The following ADGRL3 variants were observed in gnomAD, a reference collection of about 807,000 sequenced individuals.
ADGRL3 encodes calcium-independent alpha-latrotoxin receptor 3.
ADGRL3 carries 62 observed loss-of-function variants against 153.5 expected under a neutral mutation model. That is an observed-to-expected ratio of 0.40 (90% confidence interval 0.33 to 0.50). The LOEUF is 0.50. Among genes scored for constraint, ADGRL3 ranks in the 20% least tolerant of loss-of-function variants. ADGRL3 has a pLI of 0.47. For missense variants in ADGRL3, 1,641 were observed against 1,859.4 expected (o/e 0.88, Z 2.16); for synonymous variants, 710 against 672.5 (o/e 1.06, Z -0.86).
At chr4:62,033,086 T>G (rs1181107083) in intron 23 of ADGRL3, among the ~76,000 whole-genome samples, 1 of 151,778 alleles carries the variant, frequency 6.6e-6, no homozygotes, top group Non-Finnish European at 1.5e-5. Context: ...TATGTTTTAC[T>G]CATTGCCCAA....
chr4:61,890,573 A>T (rs930891632), intron 9 of ADGRL3, among the ~76,000 whole-genome samples: 1 of 152,174 alleles, frequency 6.6e-6, no homozygotes, highest in African/African-American at 2.4e-5. Flanking sequence ...ACATCCTCTT[A>T]TCAGAAACCC....
At chr4:61,217,239 C>T (rs1319960774) in intron 1 of ADGRL3, among the ~76,000 whole-genome samples, 1 of 152,110 alleles carries the variant, frequency 6.6e-6, no homozygotes, top group African/African-American at 2.4e-5. Flanking sequence ...AAGACAAGTC[C>T]AGGATGCTTG....
intron 2 of ADGRL3, among the ~76,000 whole-genome samples, chr4:61,395,583 TACTC>T (rs1378391198): frequency 7.2e-5 from 11 of 151,962 alleles, no homozygotes; most frequent in African/African-American, 2.4e-4. Context: ...AGTTAAAACA[TACTC>T]ACTATTATAT....
chr4:61,819,215 C>T (rs188983192), intron 9 of ADGRL3, among the ~76,000 whole-genome samples: 231 of 152,050 alleles, frequency 1.5e-3, no homozygotes, highest in Non-Finnish European at 2.7e-3. Context: ...AGGAAGAGAG[C>T]GAGTTTCTCT....
At chr4:61,368,791 T>C (rs1048048865) in intron 1 of ADGRL3, among the ~76,000 whole-genome samples, 24 of 152,328 alleles carry the variant, frequency 1.6e-4, no homozygotes, top group African/African-American at 4.3e-4. Flanking sequence ...TTGAGGGGGA[T>C]GGCATTGAAT....
intron 5 of ADGRL3, 69 bp from the exon 6 acceptor site, chr4:61,676,757 A>G (rs2095208873): frequency 1.9e-6 from 2 of 1,031,172 alleles, no homozygotes; most frequent in East Asian, 2.4e-5. Flanking sequence ...AAATAAAATT[A>G]GTGTTGATGT....
intron 21 of ADGRL3, among the ~76,000 whole-genome samples, chr4:62,019,184 TAA>T (rs2099226606): frequency 6.6e-6 from 1 of 152,082 alleles, no homozygotes; most frequent in South Asian, 2.1e-4. Flanking sequence ...TATATATATA[TAA>T]AAGTTTTTCT....
At chr4:61,484,898 C>T (rs145276984) in intron 2 of ADGRL3, among the ~76,000 whole-genome samples, 4 of 83,062 alleles carry the variant, frequency 4.8e-5, no homozygotes, top group African/African-American at 1.5e-4. Context: ...ATTATCAAAC[C>T]ATTACTGTAA....
In ADGRL3 at chr4:61,976,855, G is replaced by C. The variant is rs567641286; in HGVS notation, c.2806-2708G>C. 2.6e-5 allele frequency among the ~76,000 whole-genome samples: 4 copies of C among 152,264 alleles called. No homozygotes were observed. The South Asian group carries it at 8.3e-4, about 32-fold the overall frequency. On this transcript the variant is annotated intron_variant, in intron 17 of 26. Transcript: ENST00000683033. The stretch of plus-strand genomic sequence containing the variant: ...GGGTATGTCTTTATCAGCAGCATGA[G>C]AATGGACTAATGCACCATTGTTCTT...
rs918073346 is a variant in ADGRL3 at position 62,077,962 on chromosome 4, A to T, written c.*7054A>T. 2.0e-5 allele frequency: 3 copies of T among 151,966 alleles called. No individual in the cohort carries two copies. The allele number at this position is 151,966 out of a possible 1,614,324, so 9.4% of individuals were successfully genotyped here. On this transcript the variant is annotated 3_prime_UTR_variant, in exon 27 of 27. Transcript: ENST00000683033. ...GCCTTCATTTAATTCCTGCAAATGC[A>T]TTGGAAGTGGATGGATAACTTGGAA...
At chr4:61,827,537 T>C (rs1352277493) in intron 9 of ADGRL3, among the ~76,000 whole-genome samples, 1 of 152,182 alleles carries the variant, frequency 6.6e-6, no homozygotes, top group East Asian at 1.9e-4. Flanking sequence ...ATGCAATTAG[T>C]TTGCATAGAA....
chr4:61,387,021 T>A (rs953005836), intron 2 of ADGRL3, among the ~76,000 whole-genome samples: 2 of 152,064 alleles, frequency 1.3e-5, no homozygotes, highest in African/African-American at 4.8e-5. Context: ...AATAATCACG[T>A]AGGTTCTTTT....
rs538510325 is a variant in ADGRL3 at position 62,056,512 on chromosome 4, C to T, written c.3815-11654C>T. 2.0e-5 allele frequency among the ~76,000 whole-genome samples: 3 copies of T among 152,050 alleles called. No individual in the cohort carries two copies. In the South Asian group the frequency reaches 6.2e-4, roughly 32 times the overall value. ...ATTTTACATGCAGTGTTAAGGATTT[C>T]CCAACTTCATAGATCTCATCTCCCT... On this transcript the variant is annotated intron_variant, in intron 25 of 26. Transcript: ENST00000683033.
intron 5 of ADGRL3, among the ~76,000 whole-genome samples, chr4:61,634,030 G>A (rs2093306705): frequency 6.6e-6 from 1 of 152,132 alleles, no homozygotes; most frequent in African/African-American, 2.4e-5. Context: ...TCTTGGAGAT[G>A]TAACTTGATA....
chr4:61,541,077 G>A (rs1030270643), intron 4 of ADGRL3, among the ~76,000 whole-genome samples: 4 of 152,184 alleles, frequency 2.6e-5, no homozygotes, highest in African/African-American at 9.7e-5. Context: ...CAGGGTAGGA[G>A]GGGCACTCCA....
chr4:61,614,984 G>A (rs749903717), intron 5 of ADGRL3, among the ~76,000 whole-genome samples: 1 of 152,058 alleles, frequency 6.6e-6, no homozygotes, highest in Non-Finnish European at 1.5e-5. Flanking sequence ...ATGATATGGA[G>A]GAAGAAAGAA....
At chr4:61,917,717 C>T (rs1017087884) in intron 13 of ADGRL3, among the ~76,000 whole-genome samples, 1 of 147,888 alleles carries the variant, frequency 6.8e-6, no homozygotes, top group Non-Finnish European at 1.5e-5. Flanking sequence ...AAATGAATTA[C>T]CGAGGTGATA....
chr4:61,539,646 G>C (rs2098678922), intron 4 of ADGRL3, among the ~76,000 whole-genome samples: 1 of 152,120 alleles, frequency 6.6e-6, no homozygotes, highest in African/African-American at 2.4e-5. Context: ...AGGCCTGAGG[G>C]GGAGAGCCAG....
At chr4:61,777,295 T>G (rs970828268) in intron 8 of ADGRL3, among the ~76,000 whole-genome samples, 1 of 151,624 alleles carries the variant, frequency 6.6e-6, no homozygotes, top group Non-Finnish European at 1.5e-5. Context: ...ATCGCGCCAC[T>G]GCACTCCAGC....
Sources: gnomAD v4.1 joint callset for allele counts (sites outside exome capture counted in the v4.1 genomes callset) on GRCh38, gnomAD v4.1.1 for gene constraint, MANE v1.5 for transcripts, NCBI Gene and HGNC (gene_info 2026-07-23, HGNC 2026-07-21) for gene names.